The following DLG2 variants were observed in gnomAD, a reference collection of about 807,000 sequenced individuals.
DLG2 encodes the protein discs large MAGUK scaffold protein 2, also known as disks large homolog 2.
A neutral mutation model predicts 132.5 loss-of-function variants in DLG2; 45 were observed. That is an observed-to-expected ratio of 0.34 (90% CI 0.27 to 0.44). The LOEUF (loss-of-function observed/expected upper bound fraction) is 0.44. Among genes scored for constraint, DLG2 ranks in the 20% least tolerant of loss-of-function variants. The pLI is 1.00. For missense variants in DLG2, 1,045 were observed against 1,196.9 expected (o/e 0.87, Z 1.87); for synonymous variants, 424 against 419.6 (o/e 1.01, Z -0.13).
intron 8 of DLG2, among the ~76,000 whole-genome samples, chr11:84,196,960 C>A (rs1302634645): frequency 6.7e-6 from 1 of 149,808 alleles, no homozygotes; most frequent in Non-Finnish European, 1.5e-5. Flanking sequence ...GCGCTTGAAC[C>A]CAGGAGGCAG....
At chr11:84,783,898 AG>A (rs2072303810) in intron 6 of DLG2, among the ~76,000 whole-genome samples, 1 of 152,096 alleles carries the variant, frequency 6.6e-6, no homozygotes, top group African/African-American at 2.4e-5. Context: ...AAATCTGCTT[AG>A]GTATAAGCTA....
At chr11:83,945,844 G>GTGTT (rs764107912) in intron 14 of DLG2, among the ~76,000 whole-genome samples, 3 of 149,570 alleles carry the variant, frequency 2.0e-5, no homozygotes, top group Non-Finnish European at 3.0e-5. Flanking sequence ...GTGTGTGTGT[G>GTGTT]TTTTCTAATG....
chr11:85,343,905 A>C (rs932279208), intron 3 of DLG2, among the ~76,000 whole-genome samples: 1 of 151,476 alleles, frequency 6.6e-6, no homozygotes, highest in Non-Finnish European at 1.5e-5. Context: ...ACATCATTTC[A>C]GCAAAGAAAA....
chr11:85,238,391 GC>G (rs1254511732), intron 4 of DLG2, among the ~76,000 whole-genome samples: 1 of 151,512 alleles, frequency 6.6e-6, no homozygotes, highest in Non-Finnish European at 1.5e-5. Context: ...CTACAGGCGT[GC>G]ACCACCACAC....
intron 9 of DLG2, among the ~76,000 whole-genome samples, chr11:84,161,754 G>T (rs962737383): frequency 6.6e-6 from 1 of 152,146 alleles, no homozygotes; most frequent in African/African-American, 2.4e-5. Flanking sequence ...ATTGAGTCCT[G>T]TGTTTAGAAA....
intron 3 of DLG2, among the ~76,000 whole-genome samples, chr11:85,590,653 A>C (rs7939838): frequency 0.29 from 42,925 of 148,658 alleles, 6,836 homozygotes; most frequent in Non-Finnish European, 0.38. Context: ...CTCTCTCTCT[A>C]TATATATATA....
At chr11:83,967,907 G>C (rs991016261) in intron 12 of DLG2, among the ~76,000 whole-genome samples, 3 of 152,126 alleles carry the variant, frequency 2.0e-5, no homozygotes, top group Non-Finnish European at 4.4e-5. Context: ...TATGGCATTA[G>C]AGTCCAATTT....
intron 7 of DLG2, chr11:84,273,208 C>A: frequency 6.4e-7 from 1 of 1,574,548 alleles, no homozygotes. Context: ...CAATAGTATC[C>A]CACAAAAGCT....
intron 2 of DLG2, among the ~76,000 whole-genome samples, chr11:85,610,414 T>C (rs147384553): frequency 0.063 from 9,628 of 152,234 alleles, 987 homozygotes; most frequent in African/African-American, 0.22. Flanking sequence ...TGGTTCACTG[T>C]TCTGGACCTC....
At chr11:83,896,612 T>C (rs537268525) in intron 15 of DLG2, among the ~76,000 whole-genome samples, 190 of 152,314 alleles carry the variant, frequency 1.2e-3, no homozygotes, top group Non-Finnish European at 2.2e-3. Flanking sequence ...AATTAATGAA[T>C]ATTAAAAATA....
chr11:83,669,881 G>A (rs1036367634), intron 18 of DLG2, among the ~76,000 whole-genome samples: 8 of 152,204 alleles, frequency 5.3e-5, no homozygotes, highest in South Asian at 4.1e-4. Context: ...GCAGTTCCTC[G>A]TTAGGACAAG....
chr11:83,596,399 A>G (rs536338971), intron 19 of DLG2, among the ~76,000 whole-genome samples: 1 of 152,208 alleles, frequency 6.6e-6, no homozygotes, highest in South Asian at 2.1e-4. Flanking sequence ...CATTGCTATC[A>G]CTATTGAATA....
chr11:84,339,039 T>C (rs1266393070), intron 7 of DLG2, among the ~76,000 whole-genome samples: 4 of 152,200 alleles, frequency 2.6e-5, no homozygotes, highest in Admixed American at 2.0e-4. Context: ...ATTTATTTCA[T>C]TAAATATTCA....
intron 6 of DLG2, among the ~76,000 whole-genome samples, chr11:84,754,591 A>T (rs2066610721): frequency 6.6e-6 from 1 of 152,170 alleles, no homozygotes. Context: ...AAATAGCAAA[A>T]CCACGGAGAT....
intron 3 of DLG2, among the ~76,000 whole-genome samples, chr11:85,357,236 CTTTGTGTGTG>C (rs1356552715): frequency 9.1e-6 from 1 of 109,730 alleles, no homozygotes; most frequent in Non-Finnish European, 1.9e-5. Flanking sequence ...TCAATATCCT[CTTTGTGTGTG>C]TGTGTGTGTG....
rs10566177 is a variant in DLG2 at position 83,825,171 on chromosome 11, A to ATT, written c.1722+8441_1722+8442dup. Among the ~76,000 whole-genome samples the ATT allele has an allele frequency of 3.3e-3, 240 of 72,604 alleles. 7 individuals carry two copies. Among genetic ancestry groups the ATT allele is most frequent in the Non-Finnish European group, 5.0e-3 (194 of 38,774 alleles). 47.6% of individuals were successfully genotyped at this position (72,604 alleles called of 152,430 possible). A position where few individuals can be genotyped will look rare whatever the true frequency, so the allele number is the denominator to read the frequency against. ...CACACACATATATATATATATATAT[A>ATT]TTTTTTTTTTTTTTTTTTTTTTTTT... is the stretch of plus-strand genomic sequence containing the variant. On this transcript the variant is annotated intron_variant, in intron 17 of 27. Coordinates refer to ENST00000376104, the MANE Select transcript of DLG2 (RefSeq NM_001142699.3).
chr11:84,708,986 C>A (rs1039930544), intron 6 of DLG2, among the ~76,000 whole-genome samples: 1 of 151,824 alleles, frequency 6.6e-6, no homozygotes, highest in Non-Finnish European at 1.5e-5. Flanking sequence ...TAGTTGAATA[C>A]CATCAGGCAC....
At chr11:84,302,889 C>A (rs543278292) in intron 7 of DLG2, among the ~76,000 whole-genome samples, 1 of 151,900 alleles carries the variant, frequency 6.6e-6, no homozygotes, top group Non-Finnish European at 1.5e-5. Context: ...GAGTTCTAAA[C>A]CAGCTTGGCC....
intron 17 of DLG2, among the ~76,000 whole-genome samples, chr11:83,824,031 G>A (rs1017748445): frequency 3.9e-5 from 6 of 152,136 alleles, no homozygotes; most frequent in Admixed American, 3.3e-4. Context: ...CATCATTACT[G>A]ATTATCTGTG....
Sources: allele counts gnomAD v4.1 joint callset (sites outside exome capture counted in the v4.1 genomes callset), GRCh38; gene constraint gnomAD v4.1.1; transcripts MANE v1.5; gene names NCBI Gene and HGNC (gene_info 2026-07-23, HGNC 2026-07-21).